GBE1: variants seen among roughly 807,000 people sequenced by gnomAD.
GBE1 encodes 1,4-alpha-glucan-branching enzyme.
In GBE1, 70 loss-of-function variants were observed where a neutral mutation model predicts 88.8. The observed-to-expected ratio is 0.79, with a 90% CI of 0.65 to 0.96. GBE1 has a LOEUF of 0.96. Among genes scored for constraint, GBE1 ranks in the 40% least tolerant of loss-of-function variants. GBE1 has a pLI of 0.00. For missense variants in GBE1, 872 were observed against 871.0 expected (o/e 1.00, Z -0.01); for synonymous variants, 284 against 300.1 (o/e 0.95, Z 0.56).
chr3:81,601,282 T>C (rs931951873), intron 7 of GBE1, among the ~76,000 whole-genome samples: 2 of 152,132 alleles, frequency 1.3e-5, no homozygotes, highest in Non-Finnish European at 2.9e-5. Flanking sequence ...TTAGAAAAGT[T>C]AAAAAACCAT....
chr3:81,530,277 T>C (rs1017428037), intron 14 of GBE1, among the ~76,000 whole-genome samples: 1 of 151,996 alleles, frequency 6.6e-6, no homozygotes, highest in Non-Finnish European at 1.5e-5. Flanking sequence ...TTCATTTTTT[T>C]TTTTTTCTGT....
intron 2 of GBE1, among the ~76,000 whole-genome samples, chr3:81,695,237 T>C (rs750585916): frequency 6.6e-6 from 1 of 152,074 alleles, no homozygotes; most frequent in Non-Finnish European, 1.5e-5. Context: ...CAAGAAATAA[T>C]AGAAACAACC....
Position 81,536,988 on chromosome 3 carries a change from G to A in GBE1, c.1726C>T (p.Arg576Cys), listed in dbSNP as rs183019204. Residue 576 changes from arginine (R) to cysteine (C), a missense_variant, in exon 13 of 16, where the codon CGC becomes TGC. By Grantham distance (180) the Arg-to-Cys change is radical (BLOSUM62 -3). Coordinates refer to ENST00000429644, the MANE Select transcript of GBE1 (RefSeq NM_000158.4). Reference sequence around the variant, plus strand: ...TCAAAATTATTTAGGAACTTGTAGCGAAGAAGGTCGTCGTCAGTTAAATGA... The same window carrying A: ...TCAAAATTATTTAGGAACTTGTAGCAAAGAAGGTCGTCGTCAGTTAAATGA... ...QFHLTDDDLLRYKFLNNFDRD... is the reference protein window; with the variant it reads ...QFHLTDDDLLCYKFLNNFDRD... The A allele has an allele frequency of 8.3e-5, 132 of 1,591,938 alleles. No individual in the cohort carries two copies. The highest frequency in any genetic ancestry group is 1.7e-4 in the Middle Eastern group (1 of 6,002).
At chr3:81,638,008 C>A (rs1704614874) in intron 7 of GBE1, among the ~76,000 whole-genome samples, 1 of 152,004 alleles carries the variant, frequency 6.6e-6, no homozygotes, top group Admixed American at 6.6e-5. Flanking sequence ...ACCTCAGATA[C>A]AAAAATCCAC....
intron 3 of GBE1, among the ~76,000 whole-genome samples, chr3:81,670,235 G>A (rs1705170853): frequency 6.6e-6 from 1 of 152,184 alleles, no homozygotes; most frequent in African/African-American, 2.4e-5. Flanking sequence ...GACCTTGAAT[G>A]CAAAACCACA....
At chr3:81,606,445 C>T (rs1015778979) in intron 7 of GBE1, among the ~76,000 whole-genome samples, 4 of 152,206 alleles carry the variant, frequency 2.6e-5, no homozygotes, top group African/African-American at 9.7e-5. Context: ...AAAATCCTGC[C>T]CAGGCAGGAA....
intron 1 of GBE1, among the ~76,000 whole-genome samples, chr3:81,730,206 CT>C (rs1480311286): frequency 6.6e-6 from 1 of 152,032 alleles, no homozygotes; most frequent in Non-Finnish European, 1.5e-5. Context: ...AAACAGATGG[CT>C]TTATAAAATG....
intron 7 of GBE1, among the ~76,000 whole-genome samples, chr3:81,625,992 C>A (rs1318181311): frequency 6.6e-6 from 1 of 152,144 alleles, no homozygotes; most frequent in Admixed American, 6.5e-5. Flanking sequence ...GAGGAAATAA[C>A]CATAAAGAGA....
At chr3:81,704,437 T>C (rs1477122208) in intron 2 of GBE1, among the ~76,000 whole-genome samples, 2 of 152,000 alleles carry the variant, frequency 1.3e-5, no homozygotes, top group African/African-American at 2.4e-5. Context: ...AATCAGGATA[T>C]AAAACATTTT....
intron 7 of GBE1, among the ~76,000 whole-genome samples, chr3:81,599,022 T>G (rs960797495): frequency 1.3e-5 from 2 of 152,158 alleles, no homozygotes; most frequent in Non-Finnish European, 2.9e-5. Context: ...AAGGCCTAAA[T>G]TGTACTTAGC....
At chr3:81,676,412 G>A (rs1315449284) in intron 2 of GBE1, among the ~76,000 whole-genome samples, 1 of 152,026 alleles carries the variant, frequency 6.6e-6, no homozygotes, top group Non-Finnish European at 1.5e-5. Context: ...CATTCTTGGA[G>A]TCCAGCGTAT....
chr3:81,605,299 A>G (rs1425043839), intron 7 of GBE1, among the ~76,000 whole-genome samples: 1 of 152,196 alleles, frequency 6.6e-6, no homozygotes, highest in African/African-American at 2.4e-5. Flanking sequence ...CTCTAATATA[A>G]CCAAAAACTT....
In GBE1 at chr3:81,642,894, T is replaced by C; in HGVS notation, c.879A>G (p.Ser293=). ...TATTCAATCCATCTGCTGAATTTTT[T>C]GAAGCATGGCTGTGTACCACATCTA... The part of the protein sequence containing the change: ...VLLDVVHSHA[S]KNSADGLNMF... The change falls in exon 7 of 16, where the codon TCA becomes TCG. Residue 293 remains serine (S), a synonymous_variant. Transcript: ENST00000429644. The C allele has an allele frequency of 6.2e-7, 1 of 1,613,288 alleles. No homozygotes were observed. The highest frequency in any genetic ancestry group is 8.5e-7 in the Non-Finnish European group (1 of 1,179,362).
Position 81,591,175 on chromosome 3 carries a change from G to A in GBE1, c.1109-11C>T. The stretch of plus-strand genomic sequence containing the variant: ...CTGAGAAACCTTGACCTTAGAAAAA[G>A]AAAATCAATACGGATATATTATGTT... On this transcript the variant is annotated splice_polypyrimidine_tract_variant and intron_variant, in intron 8 of 15. Coordinates refer to ENST00000429644, the MANE Select transcript of GBE1 (RefSeq NM_000158.4). The A allele has an allele frequency of 6.3e-7, 1 of 1,583,754 alleles. No homozygotes were observed.
intron 3 of GBE1, among the ~76,000 whole-genome samples, chr3:81,665,465 G>A (rs1233642895): frequency 6.6e-6 from 1 of 151,724 alleles, no homozygotes; most frequent in African/African-American, 2.4e-5. Flanking sequence ...GAACCCGGGA[G>A]GCAGAGCTTG....
chr3:81,665,514 G>T (rs555183962), intron 3 of GBE1, among the ~76,000 whole-genome samples: 36 of 149,816 alleles, frequency 2.4e-4, no homozygotes, highest in Non-Finnish European at 4.4e-4. Flanking sequence ...CCAGCCTGGG[G>T]GACACAGCGA....
intron 1 of GBE1, among the ~76,000 whole-genome samples, chr3:81,751,046 G>A (rs892424330): frequency 5.3e-5 from 8 of 151,942 alleles, no homozygotes; most frequent in Admixed American, 4.6e-4. Context: ...GGGCCAAGTA[G>A]CTGAAGTGAC....
At chr3:81,714,472 TTAATG>T (rs1339797282) in intron 1 of GBE1, among the ~76,000 whole-genome samples, 2 of 152,156 alleles carry the variant, frequency 1.3e-5, no homozygotes, top group Non-Finnish European at 2.9e-5. Flanking sequence ...ACACTATTAA[TTAATG>T]TATTCAATAA....
At chr3:81,639,269 T>A (rs964902326) in intron 7 of GBE1, among the ~76,000 whole-genome samples, 2 of 152,106 alleles carry the variant, frequency 1.3e-5, no homozygotes, top group African/African-American at 4.8e-5. Flanking sequence ...AAATATAGTT[T>A]TTTTATTTTG....
Sources: gnomAD v4.1 joint callset for allele counts (sites outside exome capture counted in the v4.1 genomes callset) on GRCh38, gnomAD v4.1.1 for gene constraint, MANE v1.5 for transcripts, NCBI Gene and HGNC (gene_info 2026-07-23, HGNC 2026-07-21) for gene names.